The following PRLHR variants were observed in gnomAD, a reference collection of about 807,000 sequenced individuals.
PRLHR encodes the protein prolactin releasing hormone receptor.
A neutral mutation model predicts 9.3 loss-of-function variants in PRLHR; 10 were observed. The ratio of observed to expected loss-of-function variants is 1.08; its 90% CI spans 0.66 to 1.82. The LOEUF (loss-of-function observed/expected upper bound fraction) is 1.82. Among genes scored for constraint, PRLHR ranks in the 40% most tolerant of loss-of-function variants. PRLHR has a pLI of 0.00. For missense variants in PRLHR, 589 were observed against 512.0 expected (o/e 1.15, Z -1.45); for synonymous variants, 261 against 249.3 (o/e 1.05, Z -0.44).
Position 118,595,404 on chromosome 10 carries a change from C to T in PRLHR, c.-7+112G>A, listed in dbSNP as rs1844487043. Reference sequence around the variant, plus strand: ...AGTAGCAAAAAGTGTTGTCCTCTCACCTCTGTAAAATAAACCTAAGCACGG... The same window carrying T: ...AGTAGCAAAAAGTGTTGTCCTCTCATCTCTGTAAAATAAACCTAAGCACGG... On this transcript the variant is annotated intron_variant, in intron 1 of 1. Transcript: ENST00000239032. 5 of 627,014 alleles carry T rather than the reference C, an allele frequency of 8.0e-6. No individual in the cohort carries two copies. In the South Asian group the frequency reaches 1.1e-4, roughly 14 times the overall value. The allele number at this position is 627,014 out of a possible 1,614,324, so 38.8% of individuals were successfully genotyped here.
In PRLHR at chr10:118,592,106, G is replaced by A. The variant is rs576683735; in HGVS notation, c.*2026C>T. ...CCATCTCAAATCAACTAGACTCTTG[G>A]GAGGAGAGCCCAGACATCAATTACA... On this transcript the variant is annotated 3_prime_UTR_variant, in exon 2 of 2. Coordinates refer to ENST00000239032, the MANE Select transcript of PRLHR (RefSeq NM_004248.3). The A allele has an allele frequency of 6.6e-6, 1 of 151,962 alleles. No individual in the cohort carries two copies. The highest frequency in any genetic ancestry group is 1.5e-5 in the Non-Finnish European group (1 of 67,966). 9.4% of individuals were successfully genotyped at this position (151,962 alleles called of 1,614,324 possible). A position where few individuals can be genotyped will look rare whatever the true frequency, so the allele number is the denominator to read the frequency against.
Position 118,595,042 on chromosome 10 carries a change from C to T in PRLHR, c.203G>A (p.Ser68Asn), listed in dbSNP as rs1291737751. ...QLKGLIVLLY[S>N]VVVVVGLVGN... ...CACCAGCCCCACGACCACCACGACG[C>T]TGTAGAGCAGCACGATCAGCCCCTT... The change falls in exon 2 of 2, where the codon AGC becomes AAC. Residue 68 changes from serine to asparagine, a missense_variant. Physicochemically the swap from Ser to Asn is conservative, Grantham distance 46 (BLOSUM62 1). Coordinates refer to ENST00000239032, the MANE Select transcript of PRLHR (RefSeq NM_004248.3). 7 of 1,610,266 alleles carry T rather than the reference C, an allele frequency of 4.3e-6. No homozygotes were observed. Among genetic ancestry groups the T allele is most frequent in the Admixed American group, 1.7e-5 (1 of 59,850 alleles).
At chr10:118,595,308 A>C in intron 1 of PRLHR, 58 bp from the exon 2 acceptor site, 1 of 1,430,362 alleles carries the variant, frequency 7.0e-7, no homozygotes, top group Non-Finnish European at 9.3e-7. Context: ...CCGACCTCCT[A>C]CACCAGCCGC....
chr10:118,594,900 CG>C lies in PRLHR; in HGVS notation c.344del (p.Pro115ArgfsTer53). On this transcript the variant is annotated frameshift_variant, in exon 2 of 2. Coordinates refer to ENST00000239032, the MANE Select transcript of PRLHR (RefSeq NM_004248.3). LOFTEE classifies it low-confidence loss of function (END_TRUNC). ...SDVLMCTACV[P>X]LTLAYAFEPR... ...GCTCGAAGGCATAGGCCAGCGTGAG[CG>C]GCACGCAGGCGGTGCACATGAGCAC... 1 of 1,613,386 alleles carries C rather than the reference CG, an allele frequency of 6.2e-7. No individual in the cohort carries two copies. The highest frequency in any genetic ancestry group is 8.5e-7 in the Non-Finnish European group (1 of 1,179,850).
At position 118,594,480 on chromosome 10, in the gene PRLHR, G is replaced by A; in HGVS notation, c.765C>T (p.Arg255=). 6.2e-7 allele frequency: 1 copy of A among 1,601,062 alleles called. No individual in the cohort carries two copies. Among genetic ancestry groups the A allele is most frequent in the Non-Finnish European group, 8.5e-7 (1 of 1,177,452 alleles). Reference sequence around the variant, plus strand: ...TCTGGGTCACGCAGCCCGGCACCACGCGGTTGCGGAGCTTCACTGACACCC... The same window carrying A: ...TCTGGGTCACGCAGCCCGGCACCACACGGTTGCGGAGCTTCACTGACACCC... The part of the protein sequence containing the change: ...YVRVSVKLRN[R]VVPGCVTQSQ... The change falls in exon 2 of 2, where the codon CGC becomes CGT. Residue 255 remains arginine, a synonymous_variant. Coordinates refer to ENST00000239032, the MANE Select transcript of PRLHR (RefSeq NM_004248.3).
rs1844452606 is a variant in PRLHR, at chr10:118,593,733, C to A, written c.*399G>T. ...AGGCAAACTGAAAATCTTTACCAAG[C>A]CCAATGCATTCCTTTTAAATCCCAT... On this transcript the variant is annotated 3_prime_UTR_variant, in exon 2 of 2. Coordinates refer to ENST00000239032, the MANE Select transcript of PRLHR (RefSeq NM_004248.3). The A allele has an allele frequency of 6.4e-6, 1 of 156,390 alleles. No homozygotes were observed. The highest frequency in any genetic ancestry group is 1.4e-5 in the Non-Finnish European group (1 of 71,032). 9.7% of individuals were successfully genotyped at this position (156,390 alleles called of 1,614,324 possible).
In PRLHR at chr10:118,593,821, G is replaced by A; in HGVS notation, c.*311C>T. On this transcript the variant is annotated 3_prime_UTR_variant, in exon 2 of 2. Coordinates refer to ENST00000239032, the MANE Select transcript of PRLHR (RefSeq NM_004248.3). ...ACGCCAGGAAGGCAATCGTGGTTCT[G>A]AAATACTTTTCTGAACGTGGAGAAA... The A allele has an allele frequency of 4.3e-6, 1 of 232,654 alleles. No homozygotes were observed. The highest frequency in any genetic ancestry group is 8.1e-6 in the Non-Finnish European group (1 of 123,830). 14.4% of individuals were successfully genotyped at this position (232,654 alleles called of 1,614,324 possible).
rs766114566 is a variant in PRLHR, at chr10:118,595,020, C to T, written c.225G>A (p.Leu75=). 2 of 1,612,572 alleles carry T rather than the reference C, an allele frequency of 1.2e-6. No individual in the cohort carries two copies. Among genetic ancestry groups the T allele is most frequent in the African/African-American group, 1.3e-5 (1 of 75,050 alleles). ...CCAGCACCAGCAGGCAGTTGCCCAC[C>T]AGCCCCACGACCACCACGACGCTGT... ...LLYSVVVVVG[L]VGNCLLVLVI... Residue 75 remains leucine (L), a synonymous_variant, in exon 2 of 2, where the codon CTG becomes CTA. Transcript: ENST00000239032.
rs1589783965 is a variant in PRLHR, at chr10:118,594,143, C to T, written c.1102G>A (p.Val368Met). 1.3e-6 allele frequency: 2 copies of T among 1,524,442 alleles called. No individual in the cohort carries two copies. Among genetic ancestry groups the T allele is most frequent in the East Asian group, 2.3e-5 (1 of 43,904 alleles). The allele number at this position is 1,524,442 out of a possible 1,614,324, so 94.4% of individuals were successfully genotyped here. ...APHGQNMTVS[V>M]VI ...CTGGCTAAGTGGCATCAGATGACCA[C>T]GCTGACGGTCATATTCTGGCCATGG... is the stretch of plus-strand genomic sequence containing the variant. Residue 368 changes from valine to methionine, a missense_variant, in exon 2 of 2, where the codon GTG becomes ATG. Physicochemically the swap from Val to Met is conservative, Grantham distance 21 (BLOSUM62 1). Transcript: ENST00000239032.
chr10:118,594,927 G>T lies in PRLHR; in HGVS notation c.318C>A (p.Asp106Glu). The T allele has an allele frequency of 1.9e-6, 3 of 1,613,622 alleles. No individual in the cohort carries two copies. The highest frequency in any genetic ancestry group is 2.5e-6 in the Non-Finnish European group (3 of 1,179,908). The change falls in exon 2 of 2, where the codon GAC (aspartate) becomes GAA (glutamate). Residue 106 changes from aspartate to glutamate, a missense_variant. Asp to Glu is a conservative substitution (Grantham distance 45). Coordinates refer to ENST00000239032, the MANE Select transcript of PRLHR (RefSeq NM_004248.3). The stretch of plus-strand genomic sequence containing the variant: ...GCACGCAGGCGGTGCACATGAGCAC[G>T]TCGGACAAGGCCAGGTTGCCGATGA... ...NFLIGNLALS[D>E]VLMCTACVPL... is the part of the protein sequence containing the mutation.
At position 118,594,623 on chromosome 10, in the gene PRLHR, C is replaced by G; in HGVS notation, c.622G>C (p.Val208Leu). The change falls in exon 2 of 2, where the codon GTG becomes CTG. Residue 208 changes from valine to leucine, a missense_variant. Transcript: ENST00000239032. ...TYHVELKPHD[V>L]RLCEEFWGSQ... ...CCCCAGAACTCCTCGCAGAGGCGCA[C>G]GTCGTGCGGCTTGAGCTCCACGTGA... The G allele has an allele frequency of 2.5e-6, 4 of 1,577,776 alleles. No homozygotes were observed. Among genetic ancestry groups the G allele is most frequent in the Non-Finnish European group, 3.4e-6 (4 of 1,163,940 alleles).
Position 118,593,997 on chromosome 10 carries a change from G to T in PRLHR, c.*135C>A. ...GACAAGACAGACAGCCGGACAAGAG[G>T]GCTGGGCTGGAAATGTTGCCCTATG... On this transcript the variant is annotated 3_prime_UTR_variant, in exon 2 of 2. Transcript: ENST00000239032. 7.4e-7 allele frequency: 1 copy of T among 1,342,572 alleles called. No homozygotes were observed. The highest frequency in any genetic ancestry group is 2.5e-5 in the East Asian group (1 of 39,932). The allele number at this position is 1,342,572 out of a possible 1,614,324, so 83.2% of individuals were successfully genotyped here.
Position 118,594,164 on chromosome 10 carries a change from CATGGGGGGCTATCT to C in PRLHR, c.1067_1080del (p.Lys356ArgfsTer46), listed in dbSNP as rs775794690. The stretch of plus-strand genomic sequence containing the variant: ...ACCACGCTGACGGTCATATTCTGGC[CATGGGGGGCTATCT>C]TGCGGGGCCAAGCGACCAACAGTTT... On this transcript the variant is annotated frameshift_variant, in exon 2 of 2. Coordinates refer to ENST00000239032, the MANE Select transcript of PRLHR (RefSeq NM_004248.3). LOFTEE classifies it high-confidence loss of function. The C allele has an allele frequency of 7.8e-6, 12 of 1,546,482 alleles. No individual in the cohort carries two copies. In the South Asian group the frequency reaches 1.5e-4, roughly 19 times the overall value.
Position 118,594,940 on chromosome 10 carries a change from A to G in PRLHR, c.305T>C (p.Leu102Pro). 1.9e-6 allele frequency: 3 copies of G among 1,613,662 alleles called. No individual in the cohort carries two copies. The African/African-American group carries it at 4.0e-5, about 21-fold the overall frequency. The change falls in exon 2 of 2, where the codon CTG becomes CCG. Residue 102 changes from leucine (L) to proline (P), a missense_variant. By Grantham distance (98) the Leu-to-Pro change is moderately conservative (BLOSUM62 -3). Coordinates refer to ENST00000239032, the MANE Select transcript of PRLHR (RefSeq NM_004248.3). Reference protein sequence around the residue: ...HNVTNFLIGNLALSDVLMCTA... With the variant: ...HNVTNFLIGNPALSDVLMCTA... ...GCACATGAGCACGTCGGACAAGGCCAGGTTGCCGATGAGGAAGTTCGTCAC... is the reference window on the plus strand; with the variant it reads ...GCACATGAGCACGTCGGACAAGGCCGGGTTGCCGATGAGGAAGTTCGTCAC...
Position 118,594,001 on chromosome 10 carries a change from G to A in PRLHR, c.*131C>T. The A allele has an allele frequency of 7.3e-7, 1 of 1,361,532 alleles. No individual in the cohort carries two copies. Among genetic ancestry groups the A allele is most frequent in the South Asian group, 2.1e-5 (1 of 48,648 alleles). 84.3% of individuals were successfully genotyped at this position (1,361,532 alleles called of 1,614,324 possible). A position where few individuals can be genotyped will look rare whatever the true frequency, so the allele number is the denominator to read the frequency against. ...AGACAGACAGCCGGACAAGAGGGCT[G>A]GGCTGGAAATGTTGCCCTATGTTGG... On this transcript the variant is annotated 3_prime_UTR_variant, in exon 2 of 2. Transcript: ENST00000239032.
rs1355056704 is a variant in PRLHR at position 118,594,250 on chromosome 10, G to A, written c.995C>T (p.Pro332Leu). 1 of 1,604,616 alleles carries A rather than the reference G, an allele frequency of 6.2e-7. No homozygotes were observed. The highest frequency in any genetic ancestry group is 8.5e-7 in the Non-Finnish European group (1 of 1,175,862). The part of the protein sequence containing the change: ...WLAMSSACYN[P>L]FIYAWLHDSF... ...GTCGTGCAGCCAGGCGTAGATGAAGGGGTTGTAGCAGGCCGAACTCATGGC... is the reference window on the plus strand; with the variant it reads ...GTCGTGCAGCCAGGCGTAGATGAAGAGGTTGTAGCAGGCCGAACTCATGGC... Residue 332 changes from proline to leucine, a missense_variant, in exon 2 of 2, where the codon CCC becomes CTC. Transcript: ENST00000239032.
At position 118,595,129 on chromosome 10, in the gene PRLHR, A is replaced by T. The variant is rs1844482708; in HGVS notation, c.116T>A (p.Val39Glu). 3.7e-6 allele frequency: 6 copies of T among 1,600,214 alleles called. No individual in the cohort carries two copies. Among genetic ancestry groups the T allele is most frequent in the Non-Finnish European group, 5.1e-6 (6 of 1,175,720 alleles). Residue 39 changes from valine to glutamate, a missense_variant, in exon 2 of 2, where the codon GTG (valine) becomes GAG (glutamate). By Grantham distance (121) the Val-to-Glu change is moderately radical (BLOSUM62 -2). Coordinates refer to ENST00000239032, the MANE Select transcript of PRLHR (RefSeq NM_004248.3). ...GACGGCTGGAGCGTCCGCGCCAGCC[A>T]CCGACCCGTTGCCCGCCGAGGCCTC... Reference protein sequence around the residue: ...SAEASAGNGSVAGADAPAVTP... With the variant: ...SAEASAGNGSEAGADAPAVTP...
chr10:118,594,012 G>A lies in PRLHR; in HGVS notation c.*120C>T. On this transcript the variant is annotated 3_prime_UTR_variant, in exon 2 of 2. Coordinates refer to ENST00000239032, the MANE Select transcript of PRLHR (RefSeq NM_004248.3). ...CGGACAAGAGGGCTGGGCTGGAAATGTTGCCCTATGTTGGCTTAGCTAGCT... is the reference window on the plus strand; with the variant it reads ...CGGACAAGAGGGCTGGGCTGGAAATATTGCCCTATGTTGGCTTAGCTAGCT... The A allele has an allele frequency of 7.2e-7, 1 of 1,398,164 alleles. No individual in the cohort carries two copies. The highest frequency in any genetic ancestry group is 2.4e-5 in the East Asian group (1 of 41,220). 86.6% of individuals were successfully genotyped at this position (1,398,164 alleles called of 1,614,324 possible).
In PRLHR at chr10:118,594,151, G is replaced by T. The variant is rs757985250; in HGVS notation, c.1094C>A (p.Thr365Asn). 1.3e-6 allele frequency: 2 copies of T among 1,535,326 alleles called. No individual in the cohort carries two copies. The highest frequency in any genetic ancestry group is 2.5e-5 in the South Asian group (2 of 79,372). The change falls in exon 2 of 2, where the codon ACC becomes AAC. Residue 365 changes from threonine (T) to asparagine (N), a missense_variant. By Grantham distance (65) the Thr-to-Asn change is moderately conservative. Coordinates refer to ENST00000239032, the MANE Select transcript of PRLHR (RefSeq NM_004248.3). ...RKIAPHGQNMTVSVVI is the reference protein window; with the variant it reads ...RKIAPHGQNMNVSVVI ...GTGGCATCAGATGACCACGCTGACG[G>T]TCATATTCTGGCCATGGGGGGCTAT...
Sources: allele counts gnomAD v4.1 joint callset, GRCh38; gene constraint gnomAD v4.1.1; transcripts MANE v1.5; gene names NCBI Gene and HGNC (gene_info 2026-07-23, HGNC 2026-07-21).